Variants in NDST4 observed in about 807,000 individuals in gnomAD.
The protein encoded by NDST4 is N-deacetylase and N-sulfotransferase 4, also known as N-heparan sulfate sulfotransferase 4.
Under a neutral mutation model 100.8 loss-of-function variants are expected in NDST4, and 63 were observed. The ratio of observed to expected loss-of-function variants is 0.62; its 90% CI spans 0.51 to 0.77. The LOEUF (loss-of-function observed/expected upper bound fraction) is 0.77, where lower values mean the gene tolerates loss of function less well. Among genes scored for constraint, NDST4 ranks in the 30% least tolerant of loss-of-function variants. The pLI, the probability that NDST4 is intolerant of heterozygous loss-of-function variation, is 0.00. For synonymous variants in NDST4, 377 were observed against 361.8 expected (o/e 1.04, Z -0.48); for missense variants, 943 against 1,018.4 (o/e 0.93, Z 1.01).
intron 4 of NDST4, among the ~76,000 whole-genome samples, chr4:114,968,891 T>C (rs914025875): frequency 2.0e-5 from 3 of 152,086 alleles, no homozygotes; most frequent in African/African-American, 7.2e-5. Context: ...GGGAAGTTTC[T>C]GAAATGCAAA....
intron 2 of NDST4, among the ~76,000 whole-genome samples, chr4:115,028,094 T>C (rs1472280932): frequency 6.6e-6 from 1 of 151,546 alleles, no homozygotes; most frequent in Non-Finnish European, 1.5e-5. Context: ...GTGGAAGAAA[T>C]TATTAGCTCA....
At chr4:115,067,775 G>A (rs566610144) in intron 2 of NDST4, among the ~76,000 whole-genome samples, 1 of 150,722 alleles carries the variant, frequency 6.6e-6, no homozygotes, top group Non-Finnish European at 1.5e-5. Context: ...TTAAGTTCTA[G>A]GGTACATGTG....
At chr4:114,900,942 TG>T (rs1372768030) in intron 6 of NDST4, among the ~76,000 whole-genome samples, 2 of 152,160 alleles carry the variant, frequency 1.3e-5, no homozygotes, top group East Asian at 3.8e-4. Flanking sequence ...CCAAACATTT[TG>T]GGGTTTTCTA....
At chr4:114,840,612 A>C (rs1723404788) in intron 10 of NDST4, among the ~76,000 whole-genome samples, 1 of 152,210 alleles carries the variant, frequency 6.6e-6, no homozygotes, top group Non-Finnish European at 1.5e-5. Flanking sequence ...CAGAAAAACA[A>C]AACCACCAAA....
chr4:115,094,698 G>A (rs765828722), intron 1 of NDST4, among the ~76,000 whole-genome samples: 1 of 152,108 alleles, frequency 6.6e-6, no homozygotes. Context: ...AGGTCATGCT[G>A]TAGTAGGGTA....
intron 2 of NDST4, among the ~76,000 whole-genome samples, chr4:115,042,969 G>GT (rs901785212): frequency 1.3e-5 from 2 of 151,890 alleles, no homozygotes. Flanking sequence ...ATGTCTCTGT[G>GT]TTTTTTTCAA....
intron 2 of NDST4, among the ~76,000 whole-genome samples, chr4:115,005,128 T>C (rs925102571): frequency 6.6e-6 from 1 of 152,190 alleles, no homozygotes; most frequent in Non-Finnish European, 1.5e-5. Context: ...AGAAGAATAA[T>C]TCATCACTCT....
At position 114,848,255 on chromosome 4, in the gene NDST4, G is replaced by A; in HGVS notation, c.1900C>T (p.Gln634Ter). 6.2e-7 allele frequency: 1 copy of A among 1,610,556 alleles called. No homozygotes were observed. Among genetic ancestry groups the A allele is most frequent in the Non-Finnish European group, 8.5e-7 (1 of 1,178,730 alleles). The change falls in exon 9 of 14, where the codon CAG (glutamine) becomes TAG (stop). Residue 634 changes from glutamine (Q) to a stop codon, truncating the protein, a stop_gained. Coordinates refer to ENST00000264363, the MANE Select transcript of NDST4 (RefSeq NM_022569.3). LOFTEE classifies it high-confidence loss of function. ...TGATAGTTGTTGCCATTAAAGAACT[G>A]AACTTCCTCAAATGTCTTTGGACTA... Reference protein sequence around the residue: ...LPSPKTFEEVQFFNGNNYHKG... With the variant: ...LPSPKTFEEV
rs1281270917 is a variant in NDST4 at position 114,937,485 on chromosome 4, T to C, written c.1240A>G (p.Asn414Asp). Residue 414 changes from asparagine to aspartate, a missense_variant, in exon 5 of 14, where the codon AAC becomes GAC. Physicochemically the swap from Asn to Asp is conservative, Grantham distance 23 (BLOSUM62 1). Transcript: ENST00000264363. ...EFALEHGIPINMGYAVAPHHS... is the reference protein window; with the variant it reads ...EFALEHGIPIDMGYAVAPHHS... ...TGTGGGGCCACAGCATAGCCCATGT[T>C]GATTGGTATTCCATGTTCCTAAAAC... The C allele has an allele frequency of 6.3e-7, 1 of 1,577,252 alleles. No individual in the cohort carries two copies. The highest frequency in any genetic ancestry group is 1.8e-5 in the Admixed American group (1 of 54,930).
chr4:115,040,770 T>A (rs1728331887), intron 2 of NDST4, among the ~76,000 whole-genome samples: 1 of 152,006 alleles, frequency 6.6e-6, no homozygotes, highest in Admixed American at 6.6e-5. Flanking sequence ...AATAGTAAGA[T>A]GAACAGCTTC....
intron 11 of NDST4, among the ~76,000 whole-genome samples, chr4:114,835,279 C>T (rs903317010): frequency 6.6e-6 from 1 of 152,182 alleles, no homozygotes; most frequent in African/African-American, 2.4e-5. Context: ...TCTCTTAAGA[C>T]TGCTTTACCT....
chr4:114,839,231 C>G (rs10033537), intron 11 of NDST4, 147 bp downstream of exon 11: 126,164 of 612,802 alleles, frequency 0.21, 17,773 homozygotes, highest in African/African-American at 0.56. Context: ...ATCACTGTCT[C>G]TGGCAATGTT....
intron 6 of NDST4, among the ~76,000 whole-genome samples, chr4:114,913,540 T>C (rs1725106100): frequency 6.6e-6 from 1 of 152,010 alleles, no homozygotes; most frequent in African/African-American, 2.4e-5. Context: ...ATGAACTTTG[T>C]TTTATAGAAT....
At chr4:114,887,755 A>G (rs955837688) in intron 6 of NDST4, among the ~76,000 whole-genome samples, 1 of 152,112 alleles carries the variant, frequency 6.6e-6, no homozygotes, top group Non-Finnish European at 1.5e-5. Flanking sequence ...TGCTTTCCCC[A>G]TGCAACTTAA....
chr4:115,044,126 G>A (rs932180567), intron 2 of NDST4, among the ~76,000 whole-genome samples: 1 of 152,096 alleles, frequency 6.6e-6, no homozygotes, highest in Admixed American at 6.6e-5. Flanking sequence ...ATCTTGGGCA[G>A]AGACTGAATT....
chr4:115,022,105 G>A (rs569726136), intron 2 of NDST4, among the ~76,000 whole-genome samples: 10 of 132,744 alleles, frequency 7.5e-5, no homozygotes, highest in Admixed American at 2.8e-4. Context: ...CACGTTCCAC[G>A]TCTATACACG....
intron 7 of NDST4, among the ~76,000 whole-genome samples, chr4:114,867,540 C>T (rs1465005428): frequency 6.6e-6 from 1 of 150,396 alleles, no homozygotes; most frequent in Non-Finnish European, 1.5e-5. Context: ...TGGAACTGAG[C>T]TAAGCTGACA....
At chr4:115,093,345 G>C (rs777500312) in intron 1 of NDST4, among the ~76,000 whole-genome samples, 13 of 151,840 alleles carry the variant, frequency 8.6e-5, no homozygotes, top group South Asian at 4.2e-4. Context: ...CGTGGTGGCG[G>C]GTGCCTGTAG....
At chr4:114,832,485 G>A (rs1489541877) in intron 12 of NDST4, among the ~76,000 whole-genome samples, 1 of 152,074 alleles carries the variant, frequency 6.6e-6, no homozygotes, top group East Asian at 1.9e-4. Context: ...CCCTTTTAAG[G>A]TATATTTTGG....
Sources: allele counts gnomAD v4.1 joint callset (sites outside exome capture counted in the v4.1 genomes callset), GRCh38; gene constraint gnomAD v4.1.1; transcripts MANE v1.5; gene names NCBI Gene and HGNC (gene_info 2026-07-23, HGNC 2026-07-21).